Variants in PLAU observed in about 807,000 individuals in gnomAD.
PLAU encodes the protein urokinase-type plasminogen activator.
Under a neutral mutation model 48.9 loss-of-function variants are expected in PLAU, and 32 were observed. The observed-to-expected ratio is 0.65, with a 90% CI of 0.49 to 0.88. PLAU has a LOEUF of 0.88. Ranked by LOEUF, PLAU falls within the 40% of genes least tolerant of loss-of-function variation. PLAU has a pLI of 0.00. For missense variants in PLAU, 455 were observed against 545.2 expected (o/e 0.83, Z 1.65); for synonymous variants, 199 against 205.7 (o/e 0.97, Z 0.28).
rs898727246 is a variant in PLAU, at chr10:73,914,714, G to A, written c.830-62G>A. On this transcript the variant is annotated intron_variant, in intron 8 of 10. Transcript: ENST00000372764. ...AGCTACTTCCTCGGCACTTGGAGGG[G>A]ACAGATGGGGACCGCCTAACCAGTA... 3.3e-6 allele frequency: 5 copies of A among 1,529,358 alleles called. No individual in the cohort carries two copies. In the African/African-American group the frequency reaches 5.5e-5, roughly 17 times the overall value. 94.7% of individuals were successfully genotyped at this position (1,529,358 alleles called of 1,614,324 possible).
chr10:73,910,958 C>T (rs1461648527), upstream of PLAU: 1 of 153,370 alleles, frequency 6.5e-6, no homozygotes, highest in East Asian at 1.9e-4. Flanking sequence ...AGTCCAGACG[C>T]TGTTGGGTCC....
chr10:73,913,685 G>T lies in PLAU; in HGVS notation c.607G>T (p.Gly203Cys), dbSNP rs1225919914. Reference protein sequence around the residue: ...FAAIYRRHRGGSVTYVCGGSL... With the variant: ...FAAIYRRHRGCSVTYVCGGSL... ...GGCCATCTACAGGAGGCACCGGGGG[G>T]GCTCTGTCACCTACGTGTGTGGAGG... The change falls in exon 7 of 11, where the codon GGC becomes TGC. Residue 203 changes from glycine to cysteine, a missense_variant. Gly to Cys is a radical substitution (Grantham distance 159, BLOSUM62 -3). Transcript: ENST00000372764. The T allele has an allele frequency of 2.5e-6, 4 of 1,613,490 alleles. No individual in the cohort carries two copies. The highest frequency in any genetic ancestry group is 3.3e-4 in the Middle Eastern group (2 of 6,080).
Position 73,915,412 on chromosome 10 carries a change from A to G in PLAU, c.1119+13A>G, listed in dbSNP as rs780393493. On this transcript the variant is annotated intron_variant, in intron 10 of 10. Coordinates refer to ENST00000372764, the MANE Select transcript of PLAU (RefSeq NM_002658.6). ...AGATTCCTGCCAGGTGAGTGTTCCA[A>G]GCATCTCTCTCCACCTCTTCCATAT... 2.5e-6 allele frequency: 4 copies of G among 1,594,948 alleles called. No homozygotes were observed. In the Admixed American group the frequency reaches 6.9e-5, roughly 28 times the overall value.
At chr10:73,915,961 C>G (rs2227573) in intron 10 of PLAU, among the ~76,000 whole-genome samples, 1,523 of 152,218 alleles carry the variant, frequency 0.01, 25 homozygotes, top group African/African-American at 0.034. Flanking sequence ...GGGGCTGCGT[C>G]AGGCACAGTG....
intron 10 of PLAU, 106 bp from the exon 11 acceptor site, chr10:73,916,283 C>T: frequency 9.7e-7 from 1 of 1,030,002 alleles, no homozygotes. Context: ...TCGCTAAGGA[C>T]TTTGACTGGG....
rs181225602 is a variant in PLAU, at chr10:73,915,952, G to A, written c.1120-437G>A. 1.1e-4 allele frequency among the ~76,000 whole-genome samples: 17 copies of A among 152,158 alleles called. No individual in the cohort carries two copies. In the East Asian group the frequency reaches 2.7e-3, roughly 24 times the overall value. On this transcript the variant is annotated intron_variant, in intron 10 of 10. Transcript: ENST00000372764. Reference sequence around the variant, plus strand: ...TTTAAACTTGATGTGGTAGAAAATGGGGCTGCGTCAGGCACAGTGGCTCAT... The same window carrying A: ...TTTAAACTTGATGTGGTAGAAAATGAGGCTGCGTCAGGCACAGTGGCTCAT...
chr10:73,908,881 G>A (rs1389052650), upstream of PLAU, among the ~76,000 whole-genome samples: 4 of 149,192 alleles, frequency 2.7e-5, no homozygotes, highest in Non-Finnish European at 5.9e-5. Context: ...AAAAAATATG[G>A]CTGGGCGTGG....
Position 73,913,659 on chromosome 10 carries a change from C to T in PLAU, c.581C>T (p.Ala194Val), listed in dbSNP as rs145865648. The stretch of plus-strand genomic sequence containing the variant: ...ACCATCGAGAACCAGCCCTGGTTTG[C>T]GGCCATCTACAGGAGGCACCGGGGG... ...FTTIENQPWF[A>V]AIYRRHRGGS... is the part of the protein sequence containing the mutation. The change falls in exon 7 of 11, where the codon GCG (alanine) becomes GTG (valine). Residue 194 changes from alanine to valine, a missense_variant. Ala to Val is a moderately conservative substitution (Grantham distance 64). Coordinates refer to ENST00000372764, the MANE Select transcript of PLAU (RefSeq NM_002658.6). The T allele has an allele frequency of 4.4e-4, 707 of 1,613,802 alleles. 4 individuals carry two copies. In the East Asian group the frequency reaches 0.011, roughly 26 times the overall value.
chr10:73,913,928 A>T, intron 7 of PLAU, 52 bp from the exon 8 acceptor site: 1 of 1,567,974 alleles, frequency 6.4e-7, no homozygotes, highest in Non-Finnish European at 8.8e-7. Context: ...GGGAAGGAAG[A>T]AGTGGCAGAT....
At chr10:73,911,676 AG>A (rs1049228717) in intron 2 of PLAU, 64 bp downstream of exon 2, 2 of 1,600,444 alleles carry the variant, frequency 1.2e-6, no homozygotes, top group African/African-American at 2.7e-5. Flanking sequence ...AGGGGAGAGG[AG>A]GGGCTGCTCA....
Position 73,914,760 on chromosome 10 carries a change from C to T in PLAU, c.830-16C>T, listed in dbSNP as rs1169583527. The stretch of plus-strand genomic sequence containing the variant: ...CAGTAGTGATCTTTCTCCTCTGACC[C>T]TCTGTCCTCCCCCAGCCTTGCTGAA... On this transcript the variant is annotated splice_polypyrimidine_tract_variant and intron_variant, in intron 8 of 10. Transcript: ENST00000372764. 1.2e-6 allele frequency: 2 copies of T among 1,611,040 alleles called. No homozygotes were observed. Among genetic ancestry groups the T allele is most frequent in the African/African-American group, 1.3e-5 (1 of 74,904 alleles).
rs766484416 is a variant in PLAU at position 73,913,747 on chromosome 10, A to G, written c.669A>G (p.Thr223=). The part of the protein sequence containing the change: ...LISPCWVISA[T]HCFIDYPKKE... Reference sequence around the variant, plus strand: ...GCCCTTGCTGGGTGATCAGCGCCACACACTGCTTCATGTACGGCCCTGGGT... The same window carrying G: ...GCCCTTGCTGGGTGATCAGCGCCACGCACTGCTTCATGTACGGCCCTGGGT... Residue 223 remains threonine, a synonymous_variant, in exon 7 of 11, where the codon ACA becomes ACG. Coordinates refer to ENST00000372764, the MANE Select transcript of PLAU (RefSeq NM_002658.6). 2 of 1,596,446 alleles carry G rather than the reference A, an allele frequency of 1.3e-6. No homozygotes were observed. The highest frequency in any genetic ancestry group is 1.7e-6 in the Non-Finnish European group (2 of 1,170,410).
At chr10:73,915,580 C>T (rs2096135042) in intron 10 of PLAU, among the ~76,000 whole-genome samples, 181 bp downstream of exon 10, 2 of 152,094 alleles carry the variant, frequency 1.3e-5, no homozygotes, top group African/African-American at 2.4e-5. Context: ...CCAAAAAAAT[C>T]CCAGCTCTGC....
At position 73,916,687 on chromosome 10, in the gene PLAU, C is replaced by A; in HGVS notation, c.*122C>A. 1 of 806,378 alleles carries A rather than the reference C, an allele frequency of 1.2e-6. No homozygotes were observed. The highest frequency in any genetic ancestry group is 1.9e-6 in the Non-Finnish European group (1 of 521,288). 50.0% of individuals were successfully genotyped at this position (806,378 alleles called of 1,614,324 possible). A position where few individuals can be genotyped will look rare whatever the true frequency, so the allele number is the denominator to read the frequency against. ...GATAGGCTCTGCACAGATGGATTTG[C>A]CTGTGCCACCCACCAGGGCGAACGA... On this transcript the variant is annotated 3_prime_UTR_variant, in exon 11 of 11. Coordinates refer to ENST00000372764, the MANE Select transcript of PLAU (RefSeq NM_002658.6).
At chr10:73,910,265 G>A (rs550033766), upstream of PLAU, 1 of 152,230 alleles carries the variant, frequency 6.6e-6, no homozygotes, top group South Asian at 2.1e-4. Flanking sequence ...CTGTCTACAT[G>A]TTTCCATTGT....
intron 4 of PLAU, 129 bp from the exon 5 acceptor site, chr10:73,912,795 G>A: frequency 1.5e-6 from 1 of 675,944 alleles, no homozygotes; most frequent in South Asian, 2.0e-5. Context: ...AGATCTCAGT[G>A]AGCTGAGATC....
rs772238457 is a variant in PLAU, at chr10:73,913,024, T to A, written c.294T>A (p.Thr98=). The A allele has an allele frequency of 1.2e-6, 2 of 1,614,194 alleles. No individual in the cohort carries two copies. Among genetic ancestry groups the A allele is most frequent in the African/African-American group, 2.7e-5 (2 of 75,050 alleles). ...GRPCLPWNSA[T]VLQQTYHAHR... ...CCTGCCTGCCCTGGAACTCTGCCAC[T>A]GTCCTTCAGCAAACGTACCATGCCC... Residue 98 remains threonine (T), a synonymous_variant, in exon 5 of 11, where the codon ACT becomes ACA. Coordinates refer to ENST00000372764, the MANE Select transcript of PLAU (RefSeq NM_002658.6).
intron 2 of PLAU, 74 bp from the exon 3 acceptor site, chr10:73,911,967 G>A (rs774958481): frequency 8.1e-6 from 13 of 1,613,918 alleles, no homozygotes; most frequent in Admixed American, 1.7e-5. Context: ...TTGGGATTGG[G>A]GCCAGTTTAC....
chr10:73,911,779 G>A, intron 2 of PLAU, 167 bp downstream of exon 2: 2 of 1,551,922 alleles, frequency 1.3e-6, no homozygotes, highest in Admixed American at 2.0e-5. Flanking sequence ...GAGAACCACG[G>A]GGGTTGGCAC....
Sources: allele counts gnomAD v4.1 joint callset (sites outside exome capture counted in the v4.1 genomes callset), GRCh38; gene constraint gnomAD v4.1.1; transcripts MANE v1.5; gene names NCBI Gene and HGNC (gene_info 2026-07-23, HGNC 2026-07-21).